GTF2IRD1: variants seen among roughly 807,000 people sequenced by gnomAD.
GTF2IRD1 encodes general transcription factor II-I repeat domain-containing protein 1.
In GTF2IRD1, 26 loss-of-function variants were observed where a neutral mutation model predicts 113.2. The ratio of observed to expected loss-of-function variants is 0.23; its 90% CI spans 0.17 to 0.32. The LOEUF is 0.32. Among genes scored for constraint, GTF2IRD1 ranks in the 10% least tolerant of loss-of-function variants. The pLI, the probability that GTF2IRD1 is intolerant of heterozygous loss-of-function variation, is 1.00. For synonymous variants in GTF2IRD1, 484 were observed against 529.1 expected, an observed-to-expected ratio of 0.91 and a Z score of 1.17; for missense variants, 864 against 1,280.8, an observed-to-expected ratio of 0.67 and a Z score of 4.97.
intron 21 of GTF2IRD1, 87 bp from the exon 22 acceptor site, chr7:74,559,540 G>T: frequency 8.2e-7 from 1 of 1,214,992 alleles, no homozygotes; most frequent in Non-Finnish European, 1.2e-6. Context: ...GTGCTCCCAG[G>T]GGAGACCGAG....
At chr7:74,588,541 T>A (rs1289352852) in intron 22 of GTF2IRD1, among the ~76,000 whole-genome samples, 1 of 152,026 alleles carries the variant, frequency 6.6e-6, no homozygotes, top group East Asian at 1.9e-4. Context: ...TTTGTTTGTT[T>A]TCATTTTTGT....
chr7:74,468,991 A>C (rs1233970691), intron 1 of GTF2IRD1, among the ~76,000 whole-genome samples: 1 of 151,766 alleles, frequency 6.6e-6, no homozygotes, highest in Non-Finnish European at 1.5e-5. Context: ...AGGCTGAGGC[A>C]GGAGAATGAC....
At position 74,580,703 on chromosome 7, in the gene GTF2IRD1, G is replaced by C. The variant is rs183916619; in HGVS notation, c.2321-9148G>C. 2.0e-5 allele frequency among the ~76,000 whole-genome samples: 3 copies of C among 152,224 alleles called. No individual in the cohort carries two copies. In the South Asian group the frequency reaches 6.2e-4, roughly 32 times the overall value. On this transcript the variant is annotated intron_variant, in intron 22 of 26. Coordinates refer to ENST00000424337, the MANE Select transcript of GTF2IRD1 (RefSeq NM_005685.4). ...AGACCGAAGAACAGAATGAGCAGGA[G>C]GGGGGCAGGAAAAATGTCAAGGGAA...
At chr7:74,467,855 G>A (rs782003022) in intron 1 of GTF2IRD1, among the ~76,000 whole-genome samples, 2 of 151,916 alleles carry the variant, frequency 1.3e-5, no homozygotes, top group East Asian at 1.9e-4. Context: ...CACTGCTCCC[G>A]GCTAATTTTT....
chr7:74,462,051 A>G (rs1554329412), intron 1 of GTF2IRD1, among the ~76,000 whole-genome samples: 1 of 152,120 alleles, frequency 6.6e-6, no homozygotes, highest in African/African-American at 2.4e-5. Context: ...TAGCCTAGAC[A>G]ACATAGTGAA....
chr7:74,479,217 T>C (rs1548627), intron 1 of GTF2IRD1, among the ~76,000 whole-genome samples: 95,840 of 152,044 alleles, frequency 0.63, 31,104 homozygotes, highest in Admixed American at 0.74. Flanking sequence ...GTCTCACCCC[T>C]GCCCCACACC....
rs372105753 is a variant in GTF2IRD1 at position 74,559,605 on chromosome 7, C to G, written c.2292-22C>G. 3.8e-6 allele frequency: 6 copies of G among 1,583,600 alleles called. No homozygotes were observed. The East Asian group carries it at 1.4e-4, about 36-fold the overall frequency. On this transcript the variant is annotated intron_variant, in intron 21 of 26. Transcript: ENST00000424337. ...TCCCCCAGGCCCTCCCCATGACACC[C>G]CTGCCTCTGTTTCTCTTCTAGGCCT...
At chr7:74,473,727 A>G (rs1367929878) in intron 1 of GTF2IRD1, among the ~76,000 whole-genome samples, 2 of 151,956 alleles carry the variant, frequency 1.3e-5, no homozygotes, top group Non-Finnish European at 2.9e-5. Context: ...GCCCACTTCC[A>G]GGAACTGTCC....
At chr7:74,600,008 G>A (rs943180183) in intron 25 of GTF2IRD1, among the ~76,000 whole-genome samples, 1 of 152,190 alleles carries the variant, frequency 6.6e-6, no homozygotes. Context: ...GCCCCTTCGG[G>A]TGCTCGTGAG....
chr7:74,529,117 G>T (rs781859342), intron 8 of GTF2IRD1, among the ~76,000 whole-genome samples: 1 of 152,086 alleles, frequency 6.6e-6, no homozygotes, highest in Non-Finnish European at 1.5e-5. Flanking sequence ...CTCCTGGCCT[G>T]TAGGGGAAGC....
intron 14 of GTF2IRD1, among the ~76,000 whole-genome samples, chr7:74,543,872 CAA>C (rs782039486): frequency 2.0e-4 from 7 of 34,566 alleles, no homozygotes; most frequent in Admixed American, 5.9e-4. Context: ...CCCATCTCTA[CAA>C]AAAAAAAAAA....
At chr7:74,581,000 G>A (rs587622734) in intron 22 of GTF2IRD1, among the ~76,000 whole-genome samples, 3 of 152,210 alleles carry the variant, frequency 2.0e-5, no homozygotes, top group Admixed American at 6.5e-5. Context: ...TGTTCCGGAC[G>A]GTAAACTAAA....
intron 1 of GTF2IRD1, among the ~76,000 whole-genome samples, chr7:74,471,687 A>C (rs1359593700): frequency 1.2e-4 from 9 of 74,004 alleles, no homozygotes; most frequent in East Asian, 3.2e-4. Flanking sequence ...AAAAAAAAAA[A>C]AACAAAAAAA....
In GTF2IRD1 at chr7:74,555,166, T is replaced by C. The variant is rs1554356294; in HGVS notation, c.1917-8T>C. On this transcript the variant is annotated splice_region_variant and splice_polypyrimidine_tract_variant and intron_variant, in intron 17 of 26. Transcript: ENST00000424337. The surrounding 1 kb of genome is among the most constrained non-coding windows in gnomAD (Gnocchi z 5.3). ...GACCTCTGTGATAGCCTCGCTTGTGTTTTCCAGGCCCGAGCTGCTCACTGA... is the reference window on the plus strand; with the variant it reads ...GACCTCTGTGATAGCCTCGCTTGTGCTTTCCAGGCCCGAGCTGCTCACTGA... The C allele has an allele frequency of 6.2e-7, 1 of 1,613,322 alleles. No individual in the cohort carries two copies. Among genetic ancestry groups the C allele is most frequent in the South Asian group, 1.1e-5 (1 of 90,988 alleles).
At chr7:74,482,368 C>T (rs1554334810) in intron 1 of GTF2IRD1, among the ~76,000 whole-genome samples, 1 of 151,498 alleles carries the variant, frequency 6.6e-6, no homozygotes, top group African/African-American at 2.4e-5. Flanking sequence ...GCTGGGACGA[C>T]AGGCATGTGC....
rs369245593 is a variant in GTF2IRD1 at position 74,574,455 on chromosome 7, ATTTTTTTT to A, written c.2320+14814_2320+14821del. Among the ~76,000 whole-genome samples, 907 of 128,208 alleles carry A rather than the reference ATTTTTTTT, an allele frequency of 7.1e-3. 10 individuals are homozygous for A. The highest frequency in any genetic ancestry group is 0.023 in the African/African-American group (807 of 34,468). The allele number at this position is 128,208 out of a possible 152,430, so 84.1% of individuals were successfully genotyped here. A position where few individuals can be genotyped will look rare whatever the true frequency, so the allele number is the denominator to read the frequency against. Reference sequence around the variant, plus strand: ...CACTACACCGGGCCTAGATACTGGAATTTTTTTTTTTTTTTTTTTTTAAGGCAGGGTCT... The same window carrying A: ...CACTACACCGGGCCTAGATACTGGAATTTTTTTTTTTTTAAGGCAGGGTCT... On this transcript the variant is annotated intron_variant, in intron 22 of 26. Coordinates refer to ENST00000424337, the MANE Select transcript of GTF2IRD1 (RefSeq NM_005685.4).
chr7:74,502,072 A>G (rs2267833), intron 1 of GTF2IRD1, among the ~76,000 whole-genome samples: 41,074 of 151,960 alleles, frequency 0.27, 6,400 homozygotes, highest in East Asian at 0.44. Flanking sequence ...TCAGCCTCCC[A>G]AGTAGCTGGC....
intron 14 of GTF2IRD1, 29 bp from the exon 15 acceptor site, chr7:74,544,726 G>A (rs1798824810): frequency 1.2e-6 from 2 of 1,611,504 alleles, no homozygotes; most frequent in South Asian, 2.2e-5. Flanking sequence ...GATGAATGTG[G>A]CTTCCCGGCA....
chr7:74,454,713 C>T (rs958842010), intron 1 of GTF2IRD1, among the ~76,000 whole-genome samples: 3 of 152,072 alleles, frequency 2.0e-5, no homozygotes, highest in Non-Finnish European at 2.9e-5. Context: ...CCGCCCCGGC[C>T]CCGGGGAGGG....
Sources: allele counts gnomAD v4.1 joint callset (sites outside exome capture counted in the v4.1 genomes callset), GRCh38; gene constraint gnomAD v4.1.1; non-coding constraint Gnocchi (gnomAD v3.1); transcripts MANE v1.5; gene names NCBI Gene and HGNC (gene_info 2026-07-23, HGNC 2026-07-21).